Variants in ANKS6 observed in about 807,000 individuals in gnomAD.
ANKS6 encodes the protein ankyrin repeat and SAM domain-containing protein 6.
ANKS6 carries 47 observed loss-of-function variants against 77.9 expected under a neutral mutation model. The ratio of observed to expected loss-of-function variants is 0.60; its 90% confidence interval spans 0.48 to 0.77. ANKS6 has a LOEUF of 0.77. ANKS6 is among the 30% of genes least tolerant of loss of function. ANKS6 has a pLI of 0.00. For missense variants in ANKS6, 1,150 were observed against 1,159.1 expected (o/e 0.99, Z 0.11); for synonymous variants, 488 against 501.7 (o/e 0.97, Z 0.37).
chr9:98,772,066 G>A lies in ANKS6; in HGVS notation c.1822-1020C>T, dbSNP rs1008988623. 5.3e-5 allele frequency among the ~76,000 whole-genome samples: 8 copies of A among 152,268 alleles called. No individual in the cohort carries two copies. In the East Asian group the frequency reaches 7.7e-4, roughly 15 times the overall value. On this transcript the variant is annotated intron_variant, in intron 9 of 14. Transcript: ENST00000353234. ...GGTTGCAGTGGGCTGAATTGCAGCC[G>A]CCAAAAAGATACACAGTGTCCTAAT...
At chr9:98,746,843 A>C (rs528343493) in intron 13 of ANKS6, among the ~76,000 whole-genome samples, 124 of 152,312 alleles carry the variant, frequency 8.1e-4, no homozygotes, top group African/African-American at 3.0e-3. Flanking sequence ...GCTATTGCAG[A>C]CAATGCTACA....
intron 1 of ANKS6, among the ~76,000 whole-genome samples, chr9:98,795,205 G>A (rs932401728): frequency 8.6e-5 from 13 of 152,012 alleles, no homozygotes; most frequent in African/African-American, 3.1e-4. Context: ...CTCCATTCTG[G>A]TCTAGGCCAC....
In ANKS6 at chr9:98,778,308, C is replaced by T; in HGVS notation, c.1485G>A (p.Leu495=). The change falls in exon 7 of 15, where the codon CTG becomes CTA. Residue 495 remains leucine, a synonymous_variant. Coordinates refer to ENST00000353234, the MANE Select transcript of ANKS6 (RefSeq NM_173551.5). ...LPFSDEPEPA[L]DSTMRAAPQD... The stretch of plus-strand genomic sequence containing the variant: ...GGGGGGCAGCCCTCATTGTGGAGTC[C>T]AGAGCTGGCTCAGGCTCGTCAGAGA... 3.1e-6 allele frequency: 5 copies of T among 1,614,182 alleles called. No individual in the cohort carries two copies. The highest frequency in any genetic ancestry group is 4.2e-6 in the Non-Finnish European group (5 of 1,180,034).
intron 14 of ANKS6, among the ~76,000 whole-genome samples, chr9:98,739,905 G>A (rs375378939): frequency 1.7e-4 from 26 of 151,426 alleles, no homozygotes; most frequent in East Asian, 9.7e-4. Context: ...ACAGGCGCCC[G>A]CCACCTCACC....
intron 13 of ANKS6, among the ~76,000 whole-genome samples, chr9:98,749,343 G>C (rs909896406): frequency 1.3e-5 from 2 of 152,172 alleles, no homozygotes; most frequent in African/African-American, 2.4e-5. Flanking sequence ...GACCCCAGAG[G>C]CTGCAGAAAC....
intron 12 of ANKS6, 32 bp from the exon 13 acceptor site, chr9:98,751,128 A>G (rs1244116187): frequency 6.4e-7 from 1 of 1,553,316 alleles, no homozygotes; most frequent in East Asian, 2.2e-5. Flanking sequence ...AAAAAACAAC[A>G]CATTTTAGAA....
intron 11 of ANKS6, among the ~76,000 whole-genome samples, chr9:98,761,561 A>G (rs1833010264): frequency 6.6e-6 from 1 of 152,146 alleles, no homozygotes; most frequent in Non-Finnish European, 1.5e-5. Context: ...TTAAGTCCAA[A>G]TTTGCCAATT....
intron 1 of ANKS6, among the ~76,000 whole-genome samples, chr9:98,793,309 C>T (rs772607626): frequency 6.6e-6 from 1 of 152,192 alleles, no homozygotes; most frequent in African/African-American, 2.4e-5. Flanking sequence ...GAGCCACCTC[C>T]CTAGGTGTGA....
At chr9:98,774,925 T>A (rs1833844124) in intron 8 of ANKS6, among the ~76,000 whole-genome samples, 1 of 152,210 alleles carries the variant, frequency 6.6e-6, no homozygotes, top group Non-Finnish European at 1.5e-5. Flanking sequence ...CACTGATGGC[T>A]GCACATGCCC....
At chr9:98,785,602 C>G (rs572116297) in intron 2 of ANKS6, among the ~76,000 whole-genome samples, 5 of 152,324 alleles carry the variant, frequency 3.3e-5, no homozygotes, top group African/African-American at 1.2e-4. Flanking sequence ...AAGCTTGGGC[C>G]AGCAGGTACC....
At chr9:98,781,455 A>T (rs1273290950) in intron 5 of ANKS6, among the ~76,000 whole-genome samples, 1 of 152,174 alleles carries the variant, frequency 6.6e-6, no homozygotes, top group African/African-American at 2.4e-5. Flanking sequence ...TGGCAAGTGA[A>T]GAAGGTCTCC....
At chr9:98,794,107 G>A (rs1473881884) in intron 1 of ANKS6, among the ~76,000 whole-genome samples, 2 of 130,092 alleles carry the variant, frequency 1.5e-5, no homozygotes, top group Admixed American at 9.0e-5. Flanking sequence ...TCGAGATCAC[G>A]CCACTGCACT....
Position 98,771,009 on chromosome 9 carries a change from C to T in ANKS6, c.1859G>A (p.Arg620Lys), listed in dbSNP as rs1444660701. The T allele has an allele frequency of 2.0e-5, 32 of 1,592,926 alleles. No homozygotes were observed. Among genetic ancestry groups the T allele is most frequent in the Non-Finnish European group, 2.7e-5 (31 of 1,169,780 alleles). Residue 620 changes from arginine to lysine, a missense_variant, in exon 10 of 15, where the codon AGA becomes AAA. Coordinates refer to ENST00000353234, the MANE Select transcript of ANKS6 (RefSeq NM_173551.5). ...VRPVKFPSLP[R>K]SPASSANSGN... The stretch of plus-strand genomic sequence containing the variant: ...AGAATTGGCAGAAGAGGCTGGGCTT[C>T]TGGGGAGGCTTGGAAATTTAACAGG...
At chr9:98,746,029 G>A (rs564931299) in intron 13 of ANKS6, 14 of 287,146 alleles carry the variant, frequency 4.9e-5, no homozygotes, top group South Asian at 1.8e-4. Context: ...TAACAATATC[G>A]GATACTGTAC....
At chr9:98,745,205 C>T (rs1259628649) in intron 14 of ANKS6, among the ~76,000 whole-genome samples, 1 of 152,152 alleles carries the variant, frequency 6.6e-6, no homozygotes, top group African/African-American at 2.4e-5. Context: ...GACAGTGAGG[C>T]TCAGAGAGGT....
At position 98,774,240 on chromosome 9, in the gene ANKS6, C is replaced by T. The variant is rs117573271; in HGVS notation, c.1618-160G>A. On this transcript the variant is annotated intron_variant, in intron 8 of 14. Coordinates refer to ENST00000353234, the MANE Select transcript of ANKS6 (RefSeq NM_173551.5). ...GCATCTACAGCTCTCCTCCCAGTAA[C>T]CGCACAACACCCATGTCTGCTCTGC... Among the ~76,000 whole-genome samples, 795 of 152,332 alleles carry T rather than the reference C, an allele frequency of 5.2e-3. 6 individuals are homozygous for T. The highest frequency in any genetic ancestry group is 0.024 in the South Asian group (114 of 4,826).
intron 11 of ANKS6, among the ~76,000 whole-genome samples, chr9:98,767,846 C>T (rs1254832484): frequency 6.6e-6 from 1 of 152,148 alleles, no homozygotes; most frequent in Admixed American, 6.5e-5. Flanking sequence ...GGGTGTGTAC[C>T]CTGCCACTGT....
At chr9:98,737,983 G>C (rs541192119) in intron 14 of ANKS6, among the ~76,000 whole-genome samples, 1 of 152,298 alleles carries the variant, frequency 6.6e-6, no homozygotes, top group East Asian at 1.9e-4. Context: ...ATAAAGTGGG[G>C]AAAGGACACC....
chr9:98,734,854 T>C lies in ANKS6; in HGVS notation c.*1665A>G, dbSNP rs570405311. The C allele has an allele frequency of 5.1e-6, 5 of 985,450 alleles. No homozygotes were observed. Among genetic ancestry groups the C allele is most frequent in the Non-Finnish European group, 6.0e-6 (5 of 829,924 alleles). The allele number at this position is 985,450 out of a possible 1,614,324, so 61.0% of individuals were successfully genotyped here. On this transcript the variant is annotated 3_prime_UTR_variant, in exon 15 of 15. Transcript: ENST00000353234. ...TGTAAAGGTGTCTATCAGTAACAGC[T>C]AAATGAAACACTTTGTCTTCAGTCC...
Sources: allele counts gnomAD v4.1 joint callset (sites outside exome capture counted in the v4.1 genomes callset), GRCh38; gene constraint gnomAD v4.1.1; transcripts MANE v1.5; gene names NCBI Gene and HGNC (gene_info 2026-07-23, HGNC 2026-07-21).